DDX21: variants seen among roughly 807,000 people sequenced by gnomAD.
DDX21 encodes DExD-box helicase 21.
A neutral mutation model predicts 90.0 loss-of-function variants in DDX21; 18 were observed. That is an observed-to-expected ratio of 0.20 (90% CI 0.14 to 0.30). DDX21 has a LOEUF of 0.30. Ranked by LOEUF, DDX21 falls within the 10% of genes least tolerant of loss-of-function variation. DDX21 has a pLI of 1.00. For synonymous variants in DDX21, 294 were observed against 318.0 expected (o/e 0.92, Z 0.80); for missense variants, 673 against 944.5 (o/e 0.71, Z 3.77).
chr10:68,961,158 C>T (rs1252226496), intron 2 of DDX21, among the ~76,000 whole-genome samples: 2 of 152,172 alleles, frequency 1.3e-5, no homozygotes, highest in East Asian at 3.8e-4. Context: ...TGGTCTAGAA[C>T]TTGTGGCTTC....
At chr10:68,968,083 C>T (rs1230909010) in intron 6 of DDX21, among the ~76,000 whole-genome samples, 5 of 150,988 alleles carry the variant, frequency 3.3e-5, no homozygotes, top group South Asian at 2.1e-4. Context: ...TTTCACCATG[C>T]TGGTCTTGAA....
At chr10:68,967,262 C>T (rs1842952118) in intron 6 of DDX21, 59 bp downstream of exon 6, 4 of 1,527,794 alleles carry the variant, frequency 2.6e-6, no homozygotes, top group Non-Finnish European at 3.5e-6. Context: ...GTAACTCTGT[C>T]TCCTGGGTTC....
In DDX21 at chr10:68,959,660, C is replaced by T. The variant is rs903322167; in HGVS notation, c.88-146C>T. Reference sequence around the variant, plus strand: ...TACTATTTTGATTTTTACCTTATCACAGCATGAAAGTACAAATGTCGAAAT... The same window carrying T: ...TACTATTTTGATTTTTACCTTATCATAGCATGAAAGTACAAATGTCGAAAT... On this transcript the variant is annotated intron_variant, in intron 1 of 14. Transcript: ENST00000354185. 8.0e-5 allele frequency: 50 copies of T among 622,672 alleles called. No individual in the cohort carries two copies. The African/African-American group carries it at 9.5e-4, about 12-fold the overall frequency. 38.6% of individuals were successfully genotyped at this position (622,672 alleles called of 1,614,324 possible). A position where few individuals can be genotyped will look rare whatever the true frequency, so the allele number is the denominator to read the frequency against.
chr10:68,978,180 A>G (rs764461048), intron 12 of DDX21, among the ~76,000 whole-genome samples: 12 of 152,146 alleles, frequency 7.9e-5, no homozygotes, highest in Non-Finnish European at 1.8e-4. Context: ...ATGCAAATCC[A>G]TAGAGGCAGA....
intron 13 of DDX21, among the ~76,000 whole-genome samples, chr10:68,980,516 C>T (rs1173523828): frequency 6.6e-6 from 1 of 152,072 alleles, no homozygotes; most frequent in African/African-American, 2.4e-5. Context: ...AGCGAAGATT[C>T]CCATGAATGG....
intron 14 of DDX21, 86 bp downstream of exon 14, chr10:68,981,667 C>A: frequency 8.4e-7 from 1 of 1,187,898 alleles, no homozygotes; most frequent in Non-Finnish European, 1.2e-6. Flanking sequence ...GATTGGGAAA[C>A]AATAGTTCTG....
In DDX21 at chr10:68,967,013, T is replaced by C; in HGVS notation, c.905-5T>C. 6.2e-7 allele frequency: 1 copy of C among 1,604,936 alleles called. No individual in the cohort carries two copies. The highest frequency in any genetic ancestry group is 8.5e-7 in the Non-Finnish European group (1 of 1,174,214). ...CCCAGCAAATCTTGTCATTGTTTTT[T>C]ATAGTTGAACGCATGAGGAATGGGA... On this transcript the variant is annotated splice_polypyrimidine_tract_variant and splice_region_variant and intron_variant, in intron 5 of 14. Transcript: ENST00000354185.
chr10:68,973,374 A>G (rs542490021), intron 9 of DDX21, among the ~76,000 whole-genome samples, 171 bp from the exon 10 acceptor site: 7 of 152,300 alleles, frequency 4.6e-5, no homozygotes, highest in African/African-American at 1.7e-4. Context: ...CCATTGTTCT[A>G]GAAGCTTTAA....
intron 1 of DDX21, chr10:68,956,569 C>T: frequency 1.3e-5 from 17 of 1,323,670 alleles, no homozygotes; most frequent in Non-Finnish European, 1.6e-5. Context: ...CAGGTCGGAA[C>T]TCTGGTAGAG....
intron 1 of DDX21, 102 bp from the exon 2 acceptor site, chr10:68,959,704 T>G (rs1842847935): frequency 1.1e-6 from 1 of 931,786 alleles, no homozygotes; most frequent in Non-Finnish European, 1.5e-6. Flanking sequence ...ATTGTATTTT[T>G]TAAAGTTGAA....
At chr10:68,980,322 C>T (rs1341550600) in intron 13 of DDX21, among the ~76,000 whole-genome samples, 1 of 152,044 alleles carries the variant, frequency 6.6e-6, no homozygotes, top group Non-Finnish European at 1.5e-5. Context: ...TCTTACCAGG[C>T]AATGTTAGGG....
chr10:68,973,988 G>A (rs578153285), intron 10 of DDX21, among the ~76,000 whole-genome samples: 1 of 152,328 alleles, frequency 6.6e-6, no homozygotes, highest in South Asian at 2.1e-4. Context: ...GGATAAAGGG[G>A]AGAAGAGACT....
Position 68,974,665 on chromosome 10 carries a change from T to C in DDX21, c.1669-5T>C. Reference sequence around the variant, plus strand: ...TACATTAAACTGTGGTTCATTTTCCTGTAGGGAATTAAGTTCAAACGAATA... The same window carrying C: ...TACATTAAACTGTGGTTCATTTTCCCGTAGGGAATTAAGTTCAAACGAATA... On this transcript the variant is annotated splice_polypyrimidine_tract_variant and splice_region_variant and intron_variant, in intron 10 of 14. Transcript: ENST00000354185. 1 of 1,613,488 alleles carries C rather than the reference T, an allele frequency of 6.2e-7. No homozygotes were observed. The highest frequency in any genetic ancestry group is 8.5e-7 in the Non-Finnish European group (1 of 1,179,582).
At chr10:68,960,720 C>G (rs1438659616) in intron 2 of DDX21, among the ~76,000 whole-genome samples, 1 of 151,538 alleles carries the variant, frequency 6.6e-6, no homozygotes, top group African/African-American at 2.4e-5. Flanking sequence ...GCCTGGGCCT[C>G]CCAAAGTGTT....
chr10:68,956,252 TG>T lies in DDX21; in HGVS notation c.29del (p.Gly10ValfsTer8). The part of the protein sequence containing the change: MPGKLRSDA[G>X]LESDTAMKKG... ...TGCCGGGAAAACTCCGTAGTGACGC[TG>T]GTTTGGAATCAGACACCGCAATGAA... On this transcript the variant is annotated frameshift_variant, in exon 1 of 15. Transcript: ENST00000354185. LOFTEE classifies it high-confidence loss of function. 1 of 1,614,108 alleles carries T rather than the reference TG, an allele frequency of 6.2e-7. No homozygotes were observed. The highest frequency in any genetic ancestry group is 8.5e-7 in the Non-Finnish European group (1 of 1,179,996).
intron 9 of DDX21, 57 bp from the exon 10 acceptor site, chr10:68,973,488 T>C: frequency 6.2e-7 from 1 of 1,602,394 alleles, no homozygotes; most frequent in Non-Finnish European, 8.5e-7. Flanking sequence ...CATAGGCTAC[T>C]CAGGTGTTTG....
At chr10:68,981,184 G>C (rs939592718) in intron 13 of DDX21, among the ~76,000 whole-genome samples, 2 of 152,188 alleles carry the variant, frequency 1.3e-5, no homozygotes, top group African/African-American at 4.8e-5. Flanking sequence ...CCATTTAATA[G>C]CTGTGGGGCC....
At chr10:68,965,651 C>G (rs1163547073) in intron 5 of DDX21, among the ~76,000 whole-genome samples, 157 bp downstream of exon 5, 1 of 152,156 alleles carries the variant, frequency 6.6e-6, no homozygotes, top group Non-Finnish European at 1.5e-5. Context: ...AGAACATGGT[C>G]CTGCTTGATG....
intron 1 of DDX21, chr10:68,956,546 T>A: frequency 1.5e-6 from 2 of 1,376,212 alleles, no homozygotes; most frequent in Non-Finnish European, 1.9e-6. Flanking sequence ...TCCTCTGAGC[T>A]TATAGGCATC....
Sources: gnomAD v4.1 joint callset for allele counts (sites outside exome capture counted in the v4.1 genomes callset) on GRCh38, gnomAD v4.1.1 for gene constraint, MANE v1.5 for transcripts, NCBI Gene and HGNC (gene_info 2026-07-23, HGNC 2026-07-21) for gene names.